Variants in STK24 observed in about 807,000 individuals in gnomAD.
STK24 encodes the protein serine/threonine kinase 24.
A neutral mutation model predicts 55.6 loss-of-function variants in STK24; 21 were observed. The ratio of observed to expected loss-of-function variants is 0.38; its 90% CI spans 0.27 to 0.54. The LOEUF is 0.54. Ranked by LOEUF, STK24 falls within the 20% of genes least tolerant of loss-of-function variation. The probability of loss-of-function intolerance (pLI) is 0.79; values close to 1 mark genes in which losing one functional copy is unlikely to be tolerated. For missense variants in STK24, 383 were observed against 538.4 expected, an observed-to-expected ratio of 0.71 and a Z score of 2.86; for synonymous variants, 200 against 215.2, an observed-to-expected ratio of 0.93 and a Z score of 0.62.
chr13:98,564,690 G>A (rs968933906), intron 1 of STK24, among the ~76,000 whole-genome samples: 3 of 152,080 alleles, frequency 2.0e-5, no homozygotes, highest in Admixed American at 6.6e-5. Context: ...GTTCTAGTTC[G>A]GGGTTTTCCA....
At chr13:98,560,048 A>C (rs1351780366) in intron 1 of STK24, among the ~76,000 whole-genome samples, 4 of 152,184 alleles carry the variant, frequency 2.6e-5, no homozygotes, top group Non-Finnish European at 5.9e-5. Flanking sequence ...AACTTTCAAA[A>C]TCCAAAAGTC....
At chr13:98,513,107 A>C (rs1895942072) in intron 2 of STK24, among the ~76,000 whole-genome samples, 1 of 152,192 alleles carries the variant, frequency 6.6e-6, no homozygotes, top group African/African-American at 2.4e-5. Flanking sequence ...CACAGCCTCG[A>C]GAACAGAGGC....
intron 2 of STK24, among the ~76,000 whole-genome samples, chr13:98,484,324 G>A (rs1208908963): frequency 6.6e-6 from 1 of 152,170 alleles, no homozygotes; most frequent in Non-Finnish European, 1.5e-5. Context: ...TGGGAACTCT[G>A]ACGTTTCTAC....
intron 2 of STK24, among the ~76,000 whole-genome samples, chr13:98,486,292 C>T (rs752840738): frequency 1.6e-4 from 25 of 152,150 alleles, no homozygotes; most frequent in Non-Finnish European, 2.6e-4. Context: ...GCACTCGCGC[C>T]ACACCCCTGC....
intron 10 of STK24, chr13:98,453,497 G>T (rs1404667570): frequency 2.6e-6 from 1 of 382,250 alleles, no homozygotes; most frequent in East Asian, 5.0e-5. Context: ...TTTTACTTAC[G>T]ATCAATTGTC....
At chr13:98,574,667 G>C (rs1466984991) in intron 1 of STK24, among the ~76,000 whole-genome samples, 2 of 152,180 alleles carry the variant, frequency 1.3e-5, no homozygotes, top group Admixed American at 1.3e-4. Context: ...CTGTAAAACT[G>C]TAACAGCTGA....
At chr13:98,504,935 G>A (rs1381497184) in intron 2 of STK24, 2 of 152,254 alleles carry the variant, frequency 1.3e-5, no homozygotes, top group African/African-American at 2.4e-5. Context: ...GTCTGTCGAT[G>A]TCAGGGTCAT....
At chr13:98,538,173 AG>A (rs1896787618) in intron 1 of STK24, among the ~76,000 whole-genome samples, 1 of 144,494 alleles carries the variant, frequency 6.9e-6, no homozygotes, top group South Asian at 2.2e-4. Context: ...GTTTTAGTGA[AG>A]GAAAGGGTAT....
chr13:98,450,222 G>GGCCCCTGCATGATACAGTCCCTGTGC lies in STK24; in HGVS notation c.*2925_*2950dup, dbSNP rs1893121733. ...GATACTCGTTTTCTTGAGCTTTATT[G>GGCCCCTGCATGATACAGTCCCTGTGC]GCCCCTGCATGATACAGTCCCTGTG... On this transcript the variant is annotated 3_prime_UTR_variant, in exon 11 of 11. Transcript: ENST00000539966. 1 of 140,604 alleles carries GGCCCCTGCATGATACAGTCCCTGTGC rather than the reference G, an allele frequency of 7.1e-6. No individual in the cohort carries two copies. The highest frequency in any genetic ancestry group is 2.2e-4 in the South Asian group (1 of 4,462). 8.7% of individuals were successfully genotyped at this position (140,604 alleles called of 1,614,324 possible).
chr13:98,576,794 A>C lies in STK24; in HGVS notation c.-8T>G. 7.1e-7 allele frequency: 1 copy of C among 1,405,502 alleles called. No homozygotes were observed. The highest frequency in any genetic ancestry group is 9.3e-7 in the Non-Finnish European group (1 of 1,076,738). 87.1% of individuals were successfully genotyped at this position (1,405,502 alleles called of 1,614,324 possible). The stretch of plus-strand genomic sequence containing the variant: ...CACCGGGGAGTGAGCCATGGCGCTC[A>C]GGACGGCCACTTCCTGGGACGGGAC... On this transcript the variant is annotated 5_prime_UTR_variant, in exon 1 of 11. Transcript: ENST00000539966.
intron 1 of STK24, among the ~76,000 whole-genome samples, chr13:98,534,156 C>T (rs569740901): frequency 6.6e-6 from 1 of 152,332 alleles, no homozygotes; most frequent in Admixed American, 6.5e-5. Flanking sequence ...CCGGAGTCCC[C>T]ACCAGGGAAC....
At chr13:98,532,860 C>T (rs1404649029) in intron 1 of STK24, among the ~76,000 whole-genome samples, 5 of 152,244 alleles carry the variant, frequency 3.3e-5, no homozygotes, top group Admixed American at 3.3e-4. Flanking sequence ...GTAAGTGGCA[C>T]TACTCAGTTT....
rs1893094390 is a variant in STK24, at chr13:98,449,712, AG to A, written c.*3460del. The A allele has an allele frequency of 1.3e-5, 2 of 152,204 alleles. No homozygotes were observed. Among genetic ancestry groups the A allele is most frequent in the Non-Finnish European group, 2.9e-5 (2 of 67,986 alleles). The allele number at this position is 152,204 out of a possible 1,614,324, so 9.4% of individuals were successfully genotyped here. A position where few individuals can be genotyped will look rare whatever the true frequency, so the allele number is the denominator to read the frequency against. On this transcript the variant is annotated 3_prime_UTR_variant, in exon 11 of 11. Transcript: ENST00000539966. Reference sequence around the variant, plus strand: ...ACCAGACGGTTTCCAGTACTAACAAAGGGAATAAAAATACCTCACGCCACAA... The same window carrying A: ...ACCAGACGGTTTCCAGTACTAACAAAGGAATAAAAATACCTCACGCCACAA...
chr13:98,448,163 T>C lies in STK24; in HGVS notation c.*5010A>G. 1 of 1,300,206 alleles carries C rather than the reference T, an allele frequency of 7.7e-7. No individual in the cohort carries two copies. The highest frequency in any genetic ancestry group is 1.1e-6 in the Non-Finnish European group (1 of 895,898). 80.5% of individuals were successfully genotyped at this position (1,300,206 alleles called of 1,614,324 possible). A position where few individuals can be genotyped will look rare whatever the true frequency, so the allele number is the denominator to read the frequency against. ...GGCCTGACTTCACCTTGTGTTTCTG[T>C]AAGCGATGCCCACCAAAGTGTCAGG... On this transcript the variant is annotated 3_prime_UTR_variant, in exon 11 of 11. Transcript: ENST00000539966.
chr13:98,452,409 C>T lies in STK24; in HGVS notation c.*764G>A, dbSNP rs536307629. 17 of 152,582 alleles carry T rather than the reference C, an allele frequency of 1.1e-4. No individual in the cohort carries two copies. Among genetic ancestry groups the T allele is most frequent in the African/African-American group, 3.9e-4 (16 of 41,494 alleles). 9.5% of individuals were successfully genotyped at this position (152,582 alleles called of 1,614,324 possible). On this transcript the variant is annotated 3_prime_UTR_variant, in exon 11 of 11. Coordinates refer to ENST00000539966, the MANE Select transcript of STK24 (RefSeq NM_001032296.4). ...AATTTAAAACACTAAGAAATAGTAC[C>T]ATCGATGAAAAAGGAAATCAACCTC...
chr13:98,573,414 T>G (rs1045067627), intron 1 of STK24, among the ~76,000 whole-genome samples: 3 of 152,210 alleles, frequency 2.0e-5, no homozygotes, highest in Non-Finnish European at 4.4e-5. Flanking sequence ...TAGCCACAGA[T>G]CAGCCTGATT....
At chr13:98,453,296 T>C in intron 10 of STK24, 87 bp from the exon 11 acceptor site, 1 of 1,377,374 alleles carries the variant, frequency 7.3e-7, no homozygotes, top group Non-Finnish European at 1.0e-6. Flanking sequence ...ATCTTAGTTT[T>C]CATAAGAAAT....
intron 1 of STK24, among the ~76,000 whole-genome samples, chr13:98,546,521 G>C (rs1336717717): frequency 2.0e-5 from 3 of 152,190 alleles, no homozygotes; most frequent in Non-Finnish European, 2.9e-5. Context: ...ACTTCCTTCA[G>C]TCCCCTGGCC....
chr13:98,534,327 C>A (rs1265908461), intron 1 of STK24, among the ~76,000 whole-genome samples: 2 of 152,194 alleles, frequency 1.3e-5, no homozygotes, highest in Non-Finnish European at 2.9e-5. Flanking sequence ...AGAGATCTGA[C>A]CTAACCGACT....
Sources: gnomAD v4.1 joint callset for allele counts (sites outside exome capture counted in the v4.1 genomes callset) on GRCh38, gnomAD v4.1.1 for gene constraint, MANE v1.5 for transcripts, NCBI Gene and HGNC (gene_info 2026-07-23, HGNC 2026-07-21) for gene names.